PTP4A2: variants seen among roughly 807,000 people sequenced by gnomAD.
The protein encoded by PTP4A2 is protein tyrosine phosphatase type IVA 2.
In PTP4A2, 2 loss-of-function variants were observed where a neutral mutation model predicts 22.9. That is an observed-to-expected ratio of 0.09 (90% CI 0.04 to 0.27). The LOEUF (loss-of-function observed/expected upper bound fraction) is 0.27, where lower values mean the gene tolerates loss of function less well. Among genes scored for constraint, PTP4A2 ranks in the 10% least tolerant of loss-of-function variants. The probability of loss-of-function intolerance (pLI) is 1.00; values close to 1 mark genes in which losing one functional copy is unlikely to be tolerated. For synonymous variants in PTP4A2, 68 were observed against 69.1 expected (o/e 0.98, Z 0.08); for missense variants, 103 against 205.1 (o/e 0.50, Z 3.04).
At chr1:31,922,743 T>A (rs1395477323) in intron 1 of PTP4A2, among the ~76,000 whole-genome samples, 2 of 151,696 alleles carry the variant, frequency 1.3e-5, no homozygotes, top group African/African-American at 4.8e-5. Flanking sequence ...TCCTCCCACC[T>A]CAGGCTCCTG....
intron 3 of PTP4A2, among the ~76,000 whole-genome samples, chr1:31,912,369 T>A (rs566294436): frequency 6.6e-6 from 1 of 152,328 alleles, no homozygotes; most frequent in South Asian, 2.1e-4. Context: ...CAAACTACCA[T>A]CTTTGTGCTT....
At chr1:31,930,835 A>G (rs1652695804) in intron 1 of PTP4A2, 1 of 152,238 alleles carries the variant, frequency 6.6e-6, no homozygotes, top group Non-Finnish European at 1.5e-5. Flanking sequence ...TTTAAAAACC[A>G]CACAGTGAAA....
rs1167199304 is a variant in PTP4A2, at chr1:31,907,348, A to G, written c.*1504T>C. 3 of 152,254 alleles carry G rather than the reference A, an allele frequency of 2.0e-5. No individual in the cohort carries two copies. Among genetic ancestry groups the G allele is most frequent in the Non-Finnish European group, 4.4e-5 (3 of 68,058 alleles). The allele number at this position is 152,254 out of a possible 1,614,324, so 9.4% of individuals were successfully genotyped here. A position where few individuals can be genotyped will look rare whatever the true frequency, so the allele number is the denominator to read the frequency against. ...GCCCCTCTACCTGCTTTGTCCATGC[A>G]GCCTGATCATAACTGCCTTCCACAA... On this transcript the variant is annotated 3_prime_UTR_variant, in exon 6 of 6. Transcript: ENST00000647444.
chr1:31,907,482 G>C lies in PTP4A2; in HGVS notation c.*1370C>G, dbSNP rs2124117653. 6.6e-6 allele frequency: 1 copy of C among 152,194 alleles called. No individual in the cohort carries two copies. Among genetic ancestry groups the C allele is most frequent in the Non-Finnish European group, 1.5e-5 (1 of 68,052 alleles). The allele number at this position is 152,194 out of a possible 1,614,324, so 9.4% of individuals were successfully genotyped here. ...CAACACAGTCCCTTCACTACTCATT[G>C]GGTTGCACGATGTCTCTCTTCTACC... is the stretch of plus-strand genomic sequence containing the variant. On this transcript the variant is annotated 3_prime_UTR_variant, in exon 6 of 6. Transcript: ENST00000647444.
At chr1:31,918,295 A>G (rs1042378193) in intron 2 of PTP4A2, among the ~76,000 whole-genome samples, 1 of 152,298 alleles carries the variant, frequency 6.6e-6, no homozygotes, top group Non-Finnish European at 1.5e-5. Flanking sequence ...AAAGAAGTAC[A>G]AAGAGTTTTT....
At chr1:31,920,881 G>A (rs1652117465) in intron 1 of PTP4A2, among the ~76,000 whole-genome samples, 1 of 152,034 alleles carries the variant, frequency 6.6e-6, no homozygotes, top group Non-Finnish European at 1.5e-5. Flanking sequence ...TTATTTTTCT[G>A]CTTTGATGGT....
chr1:31,910,430 T>C (rs375874234), intron 4 of PTP4A2: 19 of 204,130 alleles, frequency 9.3e-5, no homozygotes, highest in African/African-American at 3.7e-4. Flanking sequence ...GCTCGGACTA[T>C]AGGTGCCCGC....
chr1:31,909,441 C>T (rs1185366934), intron 5 of PTP4A2, among the ~76,000 whole-genome samples: 3 of 151,848 alleles, frequency 2.0e-5, no homozygotes, highest in South Asian at 2.1e-4. Context: ...TTTGGGAGGC[C>T]GAGGTGGGCG....
chr1:31,920,374 T>C lies in PTP4A2; in HGVS notation c.-593-716A>G, dbSNP rs542480649. Among the ~76,000 whole-genome samples the C allele has an allele frequency of 1.0e-3, 155 of 151,108 alleles. 2 individuals are homozygous for C. The South Asian group carries it at 0.029, about 28-fold the overall frequency. On this transcript the variant is annotated intron_variant, in intron 1 of 5. Coordinates refer to ENST00000647444, the MANE Select transcript of PTP4A2 (RefSeq NM_080391.4). ...AGGAGAATTGCTTGAACCTGGGAGGTGGAGGTTGCAGTGAGCTGAGATTGT... is the reference window on the plus strand; with the variant it reads ...AGGAGAATTGCTTGAACCTGGGAGGCGGAGGTTGCAGTGAGCTGAGATTGT...
In PTP4A2 at chr1:31,911,756, G is replaced by T. The variant is rs1651544916; in HGVS notation, c.260C>A (p.Thr87Asn). ...GCAACCTGGCTCTTCACGAAATTTG[G>T]TTTTTAACAGGTTTAACCAATCATC... ...IVDDWLNLLK[T>N]KFREEPGCCV... is the part of the protein sequence containing the mutation. Residue 87 changes from threonine (T) to asparagine (N), a missense_variant, in exon 4 of 6, where the codon ACC becomes AAC. Physicochemically the swap from Thr to Asn is moderately conservative, Grantham distance 65. This residue lies in a region of PTP4A2 where 66 missense variants were observed against 113.0 expected (regional missense o/e 0.58). Coordinates refer to ENST00000647444, the MANE Select transcript of PTP4A2 (RefSeq NM_080391.4). The T allele has an allele frequency of 6.2e-7, 1 of 1,606,600 alleles. No homozygotes were observed. The highest frequency in any genetic ancestry group is 8.5e-7 in the Non-Finnish European group (1 of 1,177,250).
chr1:31,925,526 G>C (rs894381812), intron 1 of PTP4A2, among the ~76,000 whole-genome samples: 7 of 152,096 alleles, frequency 4.6e-5, no homozygotes, highest in Non-Finnish European at 1.0e-4. Flanking sequence ...AGGCCGAGTT[G>C]GGCAGATCAC....
At chr1:31,921,792 TACAAAGCTTCAAC>T (rs1652167383) in intron 1 of PTP4A2, 1 of 152,228 alleles carries the variant, frequency 6.6e-6, no homozygotes, top group African/African-American at 2.4e-5. Flanking sequence ...TAGCTAGGCC[TACAAAGCTTCAAC>T]ACTATTCATC....
At chr1:31,918,488 C>T (rs1035162162) in intron 2 of PTP4A2, among the ~76,000 whole-genome samples, 1 of 152,182 alleles carries the variant, frequency 6.6e-6, no homozygotes, top group African/African-American at 2.4e-5. Flanking sequence ...TAGTGTCAGA[C>T]ACCTAGGCAA....
At position 31,911,818 on chromosome 1, in the gene PTP4A2, T is replaced by C; in HGVS notation, c.198A>G (p.Pro66=). ...TAGGGGGTGGAGCTCCATCATCAAA[T>C]GGCCAATCCTGAAAAGAAATGACCT... ...EKEGIHVLDW[P]FDDGAPPPNQ... is the part of the protein sequence containing the mutation. Residue 66 remains proline (P), a synonymous_variant, in exon 4 of 6, where the codon CCA becomes CCG. Transcript: ENST00000647444. 6.4e-7 allele frequency: 1 copy of C among 1,570,502 alleles called. No homozygotes were observed. The highest frequency in any genetic ancestry group is 1.2e-5 in the South Asian group (1 of 83,868).
At chr1:31,927,396 T>C (rs1475380033) in intron 1 of PTP4A2, among the ~76,000 whole-genome samples, 1 of 152,088 alleles carries the variant, frequency 6.6e-6, no homozygotes, top group Non-Finnish European at 1.5e-5. Context: ...AAACTACTTA[T>C]CAGGTACTAT....
At chr1:31,919,933 C>CCTGAT (rs961926914) in intron 1 of PTP4A2, among the ~76,000 whole-genome samples, 1 of 149,100 alleles carries the variant, frequency 6.7e-6, no homozygotes, top group African/African-American at 2.5e-5. Flanking sequence ...TTGAGACCAG[C>CCTGAT]CTGATCAACA....
chr1:31,935,977 A>G (rs1337639248), intron 1 of PTP4A2, among the ~76,000 whole-genome samples: 1 of 151,940 alleles, frequency 6.6e-6, no homozygotes, highest in East Asian at 1.9e-4. Flanking sequence ...TTTCTGTAGA[A>G]ATGGAGTCAC....
intron 3 of PTP4A2, among the ~76,000 whole-genome samples, chr1:31,914,921 A>G (rs1270125457): frequency 2.6e-5 from 4 of 152,238 alleles, no homozygotes; most frequent in Non-Finnish European, 5.9e-5. Context: ...AAAGTATCAG[A>G]AACTATGCTG....
At chr1:31,929,410 A>G (rs1298340010) in intron 1 of PTP4A2, among the ~76,000 whole-genome samples, 6 of 152,178 alleles carry the variant, frequency 3.9e-5, no homozygotes, top group Non-Finnish European at 8.8e-5. Flanking sequence ...AATGGATTCT[A>G]TTCATCCATA....
Sources: allele counts gnomAD v4.1 joint callset (sites outside exome capture counted in the v4.1 genomes callset), GRCh38; gene constraint gnomAD v4.1.1; regional missense constraint gnomAD v4.1.1; transcripts MANE v1.5; gene names NCBI Gene and HGNC (gene_info 2026-07-23, HGNC 2026-07-21).